Variants in GBF1 observed in about 807,000 individuals in gnomAD.
The protein encoded by GBF1 is Golgi-specific brefeldin A-resistance guanine nucleotide exchange factor 1.
Under a neutral mutation model 210.5 loss-of-function variants are expected in GBF1, and 114 were observed. That is an observed-to-expected ratio of 0.54 (90% confidence interval 0.47 to 0.63). The LOEUF is 0.63. Ranked by LOEUF, GBF1 falls within the 30% of genes least tolerant of loss-of-function variation. The probability of loss-of-function intolerance (pLI) is 0.00; values close to 1 mark genes in which losing one functional copy is unlikely to be tolerated. For synonymous variants in GBF1, 850 were observed against 889.2 expected (o/e 0.96, Z 0.78); for missense variants, 1,851 against 2,357.7 (o/e 0.79, Z 4.45).
chr10:102,317,034 A>G (rs771211126), intron 3 of GBF1, among the ~76,000 whole-genome samples: 17 of 152,232 alleles, frequency 1.1e-4, no homozygotes, highest in Non-Finnish European at 1.9e-4. Flanking sequence ...AGTTTTGGGA[A>G]GTGAGTTTTA....
At chr10:102,258,869 C>G in intron 1 of GBF1, 60 bp from the exon 2 acceptor site, 1 of 765,488 alleles carries the variant, frequency 1.3e-6, no homozygotes, top group Admixed American at 1.8e-5. Context: ...GATTTTTAAA[C>G]TTGGGTATGC....
At chr10:102,368,594 G>A in intron 22 of GBF1, 140 bp downstream of exon 22, 1 of 802,480 alleles carries the variant, frequency 1.2e-6, no homozygotes, top group Non-Finnish European at 2.1e-6. Context: ...CTGAAGCTTG[G>A]GTAGGCTCAG....
At position 102,380,685 on chromosome 10, in the gene GBF1, G is replaced by T. The variant is rs756397347; in HGVS notation, c.5172G>T (p.Gln1724His). 1 of 1,606,122 alleles carries T rather than the reference G, an allele frequency of 6.2e-7. No homozygotes were observed. Among genetic ancestry groups the T allele is most frequent in the Non-Finnish European group, 8.5e-7 (1 of 1,175,242 alleles). The change falls in exon 38 of 40, where the codon CAG becomes CAT. Residue 1724 changes from glutamine (Q) to histidine (H), a missense_variant and splice_region_variant. Around this residue, in one of 3 missense-constraint regions of GBF1, gnomAD observed 967 missense variants for 1,247.7 expected, o/e 0.78. Coordinates refer to ENST00000369983, the MANE Select transcript of GBF1 (RefSeq NM_001377137.1). Reference protein sequence around the residue: ...RDELFKQTVIQDPMPMEPQGQ... With the variant: ...RDELFKQTVIHDPMPMEPQGQ... Reference sequence around the variant, plus strand: ...AACTCTTCAAGCAGACCGTCATCCAGGGTAGGGGGCTCAGCCCAGCTTTAT... The same window carrying T: ...AACTCTTCAAGCAGACCGTCATCCATGGTAGGGGGCTCAGCCCAGCTTTAT...
At chr10:102,369,414 C>T (rs373845363) in intron 24 of GBF1, 27 bp downstream of exon 24, 15 of 1,563,298 alleles carry the variant, frequency 9.6e-6, no homozygotes, top group South Asian at 3.4e-5. Flanking sequence ...GACTAGTGAG[C>T]GATAACAAGG....
At chr10:102,364,327 C>T (rs773059286) in intron 17 of GBF1, among the ~76,000 whole-genome samples, 19 of 144,486 alleles carry the variant, frequency 1.3e-4, no homozygotes, top group African/African-American at 1.5e-4. Context: ...CGGGTTCAAG[C>T]AATTCTTCTG....
intron 3 of GBF1, among the ~76,000 whole-genome samples, chr10:102,277,740 T>G (rs1474806938): frequency 6.6e-6 from 1 of 152,248 alleles, no homozygotes; most frequent in Non-Finnish European, 1.5e-5. Context: ...GGATATTCTC[T>G]TACTAATTTA....
intron 3 of GBF1, among the ~76,000 whole-genome samples, chr10:102,332,104 C>T (rs1459845200): frequency 6.6e-6 from 1 of 152,024 alleles, no homozygotes; most frequent in Non-Finnish European, 1.5e-5. Context: ...AAGTGATCTA[C>T]CCGCCTCCGC....
chr10:102,343,069 C>T (rs1392891289), intron 3 of GBF1, among the ~76,000 whole-genome samples: 1 of 152,072 alleles, frequency 6.6e-6, no homozygotes, highest in Non-Finnish European at 1.5e-5. Flanking sequence ...ATCAATTGCC[C>T]CTTCATCTCA....
At chr10:102,293,454 T>C (rs1020985572) in intron 3 of GBF1, among the ~76,000 whole-genome samples, 10 of 152,150 alleles carry the variant, frequency 6.6e-5, no homozygotes, top group Non-Finnish European at 1.0e-4. Context: ...TTTCTACTAA[T>C]CAAGAAAAAG....
chr10:102,260,848 TATTGC>T (rs1162605829), intron 3 of GBF1, among the ~76,000 whole-genome samples: 1 of 152,168 alleles, frequency 6.6e-6, no homozygotes, highest in Non-Finnish European at 1.5e-5. Context: ...ATCCTTGGTT[TATTGC>T]ATTGGTTTCA....
At chr10:102,251,497 A>G (rs1388622154) in intron 1 of GBF1, among the ~76,000 whole-genome samples, 1 of 152,170 alleles carries the variant, frequency 6.6e-6, no homozygotes, top group Admixed American at 6.6e-5. Flanking sequence ...TGATAGTCCC[A>G]TGGTGGTGAT....
the GBF1 span, among the ~76,000 whole-genome samples, chr10:102,234,632 C>T: frequency 6.6e-6 from 1 of 151,962 alleles, no homozygotes; most frequent in Non-Finnish European, 1.5e-5. Flanking sequence ...CTGAAGTCTC[C>T]CCTTACTTCA....
intron 3 of GBF1, among the ~76,000 whole-genome samples, chr10:102,306,435 T>G (rs1454248074): frequency 6.6e-6 from 1 of 152,316 alleles, no homozygotes; most frequent in South Asian, 2.1e-4. Flanking sequence ...GTTTTTTTGT[T>G]TTTTTGAGAT....
chr10:102,380,210 C>T lies in GBF1; in HGVS notation c.4879-39C>T, dbSNP rs1277291045. The T allele has an allele frequency of 2.9e-6, 4 of 1,392,558 alleles. No individual in the cohort carries two copies. In the African/African-American group the frequency reaches 4.3e-5, roughly 15 times the overall value. 86.3% of individuals were successfully genotyped at this position (1,392,558 alleles called of 1,614,324 possible). On this transcript the variant is annotated intron_variant, in intron 36 of 39. Coordinates refer to ENST00000369983, the MANE Select transcript of GBF1 (RefSeq NM_001377137.1). ...GCCTCAGAGAGGGGTCCAGAGGCTC[C>T]TACAGTCCCCTCAGCTGAAGGGGGC... is the stretch of plus-strand genomic sequence containing the variant.
intron 3 of GBF1, among the ~76,000 whole-genome samples, chr10:102,290,281 G>T (rs1281723067): frequency 6.6e-6 from 1 of 151,898 alleles, no homozygotes; most frequent in Non-Finnish European, 1.5e-5. Context: ...ATTGGCTGAG[G>T]ATACTCTTCA....
At chr10:102,258,514 G>A (rs2072743801) in intron 1 of GBF1, among the ~76,000 whole-genome samples, 1 of 147,840 alleles carries the variant, frequency 6.8e-6, no homozygotes, top group Non-Finnish European at 1.5e-5. Context: ...GCTCACGCCT[G>A]TAATCCCAGC....
In GBF1 at chr10:102,359,366, G is replaced by A. The variant is rs1565155940; in HGVS notation, c.1111G>A (p.Ala371Thr). ...GTCCCCTGCCGACCACTCTGACTCT[G>A]CCTCTGTCCATGACATGGATTACGT... ...CTSPADHSDS[A>T]SVHDMDYVNP... Residue 371 changes from alanine to threonine, a missense_variant, in exon 11 of 40, where the codon GCC becomes ACC. Physicochemically the swap from Ala to Thr is moderately conservative, Grantham distance 58. Around this residue, in one of 3 missense-constraint regions of GBF1, gnomAD observed 804 missense variants for 958.6 expected, o/e 0.84. Coordinates refer to ENST00000369983, the MANE Select transcript of GBF1 (RefSeq NM_001377137.1). 4 of 1,613,404 alleles carry A rather than the reference G, an allele frequency of 2.5e-6. No homozygotes were observed. Among genetic ancestry groups the A allele is most frequent in the Non-Finnish European group, 3.4e-6 (4 of 1,179,354 alleles).
chr10:102,341,816 T>C (rs2058199811), intron 3 of GBF1, among the ~76,000 whole-genome samples: 1 of 152,164 alleles, frequency 6.6e-6, no homozygotes, highest in Non-Finnish European at 1.5e-5. Flanking sequence ...AAAACTGCCC[T>C]ACTCTTTTAC....
intron 3 of GBF1, among the ~76,000 whole-genome samples, chr10:102,270,836 A>G (rs1427884182): frequency 3.9e-5 from 6 of 152,094 alleles, no homozygotes; most frequent in African/African-American, 1.4e-4. Context: ...TCATTTCATT[A>G]GGTAGTTATG....
Sources: allele counts gnomAD v4.1 joint callset (sites outside exome capture counted in the v4.1 genomes callset), GRCh38; gene constraint gnomAD v4.1.1; regional missense constraint gnomAD v4.1.1; transcripts MANE v1.5; gene names NCBI Gene and HGNC (gene_info 2026-07-23, HGNC 2026-07-21).